Variants in HTR1F observed in about 807,000 individuals in gnomAD.
HTR1F encodes the protein 5-hydroxytryptamine (serotonin) receptor 1F, G protein-coupled.
Under a neutral mutation model 24.0 loss-of-function variants are expected in HTR1F, and 17 were observed. That is an observed-to-expected ratio of 0.71 (90% CI 0.48 to 1.06). HTR1F has a LOEUF of 1.06. HTR1F is among the 50% of genes least tolerant of loss of function. HTR1F has a pLI of 0.00. For missense variants in HTR1F, 391 were observed against 427.8 expected (o/e 0.91, Z 0.76); for synonymous variants, 186 against 156.8 (o/e 1.19, Z -1.39).
intron 2 of HTR1F, among the ~76,000 whole-genome samples, chr3:87,911,904 G>A (rs1481152936): frequency 4.6e-5 from 7 of 151,996 alleles, no homozygotes; most frequent in South Asian, 2.1e-4. Context: ...ACTGGGTATC[G>A]AAGAAATATA....
At chr3:87,808,058 C>G (rs1158844084) in intron 1 of HTR1F, among the ~76,000 whole-genome samples, 1 of 151,776 alleles carries the variant, frequency 6.6e-6, no homozygotes, top group Non-Finnish European at 1.5e-5. Flanking sequence ...CTATGTTCAT[C>G]AGGTATATTG....
chr3:87,947,047 C>T (rs1704727911), intron 2 of HTR1F, among the ~76,000 whole-genome samples: 1 of 152,154 alleles, frequency 6.6e-6, no homozygotes, highest in Non-Finnish European at 1.5e-5. Context: ...TATTTTGAAT[C>T]TAAGAATAAA....
chr3:87,830,583 T>C (rs971206342), intron 2 of HTR1F, among the ~76,000 whole-genome samples: 62 of 152,182 alleles, frequency 4.1e-4, no homozygotes, highest in Non-Finnish European at 4.0e-4. Flanking sequence ...ATGGAAATAA[T>C]CCTTTATTGA....
rs35802056 is a variant in HTR1F at position 87,852,968 on chromosome 3, GT to G, written c.-43+30856del. ...TGGTTTAACTAACATTGTAGTGGCT[GT>G]TTTTTTTTTTTGCTCTAATGTTTTC... On this transcript the variant is annotated intron_variant, in intron 2 of 2. Transcript: ENST00000319595. 2.3e-3 allele frequency among the ~76,000 whole-genome samples: 323 copies of G among 139,740 alleles called. 1 individual carries two copies. The highest frequency in any genetic ancestry group is 3.4e-3 in the Non-Finnish European group (217 of 63,462). The allele number at this position is 139,740 out of a possible 152,430, so 91.7% of individuals were successfully genotyped here.
In HTR1F at chr3:87,869,028, A is replaced by G. The variant is rs535459433; in HGVS notation, c.-43+46904A>G. On this transcript the variant is annotated intron_variant, in intron 2 of 2. Transcript: ENST00000319595. The stretch of plus-strand genomic sequence containing the variant: ...TTTTTTTCAAATGTTGCTATTATAC[A>G]TGTGCCGTTCATATATGTATAAATA... Among the ~76,000 whole-genome samples the G allele has an allele frequency of 7.2e-5, 11 of 152,174 alleles. 1 individual carries two copies. The highest frequency in any genetic ancestry group is 6.6e-4 in the Admixed American group (10 of 15,254).
At chr3:87,917,287 A>G (rs183171526) in intron 2 of HTR1F, among the ~76,000 whole-genome samples, 4 of 151,990 alleles carry the variant, frequency 2.6e-5, no homozygotes, top group Admixed American at 6.6e-5. Context: ...ATCTAAGGTC[A>G]CACCTCAAGA....
intron 2 of HTR1F, among the ~76,000 whole-genome samples, chr3:87,829,873 T>C (rs1704540384): frequency 6.6e-6 from 1 of 152,210 alleles, no homozygotes; most frequent in South Asian, 2.1e-4. Context: ...ACTGATATGC[T>C]CAATTAGAGC....
chr3:87,889,906 T>C (rs1297158175), intron 2 of HTR1F, among the ~76,000 whole-genome samples: 1 of 152,212 alleles, frequency 6.6e-6, no homozygotes, highest in Non-Finnish European at 1.5e-5. Flanking sequence ...ACTGAAAACA[T>C]AATTTGGATT....
chr3:87,916,302 CAAAAAAGAA>C (rs1703890855), intron 2 of HTR1F, among the ~76,000 whole-genome samples: 1 of 23,194 alleles, frequency 4.3e-5, no homozygotes, highest in Non-Finnish European at 9.9e-5. Flanking sequence ...AGTTAAAAAG[CAAAAAAGAA>C]AAAAAAAAAA....
chr3:87,869,886 CAT>C lies in HTR1F; in HGVS notation c.-43+47764_-43+47765del, dbSNP rs1705517640. Among the ~76,000 whole-genome samples, 18 of 152,194 alleles carry C rather than the reference CAT, an allele frequency of 1.2e-4. 1 individual carries two copies. In the South Asian group the frequency reaches 3.7e-3, roughly 32 times the overall value. On this transcript the variant is annotated intron_variant, in intron 2 of 2. Coordinates refer to ENST00000319595, the MANE Select transcript of HTR1F (RefSeq NM_001322209.2). ...TGGATACACGTGGCCCAAATTGACA[CAT>C]AAATTAACCATCATAGTTGCGAATG...
chr3:87,871,831 C>T (rs1483251008), intron 2 of HTR1F, among the ~76,000 whole-genome samples: 2 of 152,002 alleles, frequency 1.3e-5, no homozygotes, highest in Admixed American at 6.6e-5. Flanking sequence ...CAATACCTCG[C>T]TTACAACAAT....
At position 87,976,111 on chromosome 3, in the gene HTR1F, A is replaced by G. The variant is rs1705389793; in HGVS notation, c.-42-14597A>G. Among the ~76,000 whole-genome samples, 3 of 152,254 alleles carry G rather than the reference A, an allele frequency of 2.0e-5. No homozygotes were observed. The South Asian group carries it at 6.2e-4, about 32-fold the overall frequency. ...AAATGTACTTTAAGTATAAAGCTTA[A>G]GAGAATCAAAAGAGAAAAGTAGATT... is the stretch of plus-strand genomic sequence containing the variant. On this transcript the variant is annotated intron_variant, in intron 2 of 2. Transcript: ENST00000319595.
Position 87,941,763 on chromosome 3 carries a change from C to T in HTR1F, c.-42-48945C>T, listed in dbSNP as rs142987018. On this transcript the variant is annotated intron_variant, in intron 2 of 2. Coordinates refer to ENST00000319595, the MANE Select transcript of HTR1F (RefSeq NM_001322209.2). ...AGGTTCAGGACTATAAACCACTCTG[C>T]TTCCTCTGCTATTTGGGAAAGCAGA... 9.9e-4 allele frequency among the ~76,000 whole-genome samples: 151 copies of T among 152,268 alleles called. No individual in the cohort carries two copies. The East Asian group carries it at 0.023, about 23-fold the overall frequency.
At chr3:87,964,797 A>AC (rs1347304086) in intron 2 of HTR1F, among the ~76,000 whole-genome samples, 1 of 152,088 alleles carries the variant, frequency 6.6e-6, no homozygotes, top group Non-Finnish European at 1.5e-5. Flanking sequence ...CTGATATGAT[A>AC]TGGCTGTATC....
At chr3:87,847,741 G>T (rs1198044428) in intron 2 of HTR1F, among the ~76,000 whole-genome samples, 2 of 151,588 alleles carry the variant, frequency 1.3e-5, no homozygotes, top group Non-Finnish European at 2.9e-5. Context: ...TCTATTCTCT[G>T]TATCCATAAG....
intron 2 of HTR1F, among the ~76,000 whole-genome samples, chr3:87,925,739 A>T (rs1453306147): frequency 6.6e-6 from 1 of 152,046 alleles, no homozygotes; most frequent in Non-Finnish European, 1.5e-5. Context: ...ATGGAGTGTG[A>T]TCTTTTTCTG....
chr3:87,958,647 T>A (rs1434544020), intron 2 of HTR1F, among the ~76,000 whole-genome samples: 2 of 151,670 alleles, frequency 1.3e-5, no homozygotes, highest in African/African-American at 4.8e-5. Flanking sequence ...CCAAATCCAG[T>A]ATCCCTTTAC....
chr3:87,879,446 T>C (rs1705740885), intron 2 of HTR1F, among the ~76,000 whole-genome samples: 1 of 152,230 alleles, frequency 6.6e-6, no homozygotes, highest in Admixed American at 6.5e-5. Context: ...GTTCCTTATG[T>C]GTGAAATCAC....
At chr3:87,978,499 C>T (rs926346462) in intron 2 of HTR1F, among the ~76,000 whole-genome samples, 15 of 152,156 alleles carry the variant, frequency 9.9e-5, no homozygotes, top group African/African-American at 3.6e-4. Flanking sequence ...AGCAACAGTA[C>T]AGCTCTCAGG....
Sources: gnomAD v4.1 joint callset for allele counts (sites outside exome capture counted in the v4.1 genomes callset) on GRCh38, gnomAD v4.1.1 for gene constraint, MANE v1.5 for transcripts, NCBI Gene and HGNC (gene_info 2026-07-23, HGNC 2026-07-21) for gene names.